The following POU6F2 variants were observed in gnomAD, a reference collection of about 807,000 sequenced individuals.
The protein encoded by POU6F2 is POU domain, class 6, transcription factor 2.
POU6F2 carries 31 observed loss-of-function variants against 71.3 expected under a neutral mutation model. That is an observed-to-expected ratio of 0.43 (90% CI 0.33 to 0.59). The LOEUF (loss-of-function observed/expected upper bound fraction) is 0.59. Ranked by LOEUF, POU6F2 falls within the 20% of genes least tolerant of loss-of-function variation. The probability of loss-of-function intolerance (pLI) is 0.04; values close to 1 mark genes in which losing one functional copy is unlikely to be tolerated. For synonymous variants in POU6F2, 347 were observed against 355.7 expected (o/e 0.98, Z 0.27); for missense variants, 783 against 856.8 (o/e 0.91, Z 1.07).
In POU6F2 at chr7:39,092,616, C is replaced by T. The variant is rs1791380180; in HGVS notation, c.277+6585C>T. Among the ~76,000 whole-genome samples the T allele has an allele frequency of 2.0e-5, 3 of 152,112 alleles. 1 individual carries two copies. The South Asian group carries it at 6.2e-4, about 32-fold the overall frequency. ...ATTTATTCATAAAGGAGTATCTGTG[C>T]TTTGACAATATGGGGGCTTCTGATG... is the stretch of plus-strand genomic sequence containing the variant. On this transcript the variant is annotated intron_variant, in intron 2 of 9. Coordinates refer to ENST00000518318, the MANE Select transcript of POU6F2 (RefSeq NM_001370959.1).
At chr7:39,412,778 C>CTTTTTTTTTTTTTTTTTTTT (rs1166811956) in intron 6 of POU6F2, among the ~76,000 whole-genome samples, 1 of 23,168 alleles carries the variant, frequency 4.3e-5, no homozygotes, top group Non-Finnish European at 1.1e-4. Context: ...GTTTTCTTGC[C>CTTTTTTTTTTTTTTTTTTTT]TTTTTTTTTT....
At chr7:39,310,175 T>A (rs543939772) in intron 4 of POU6F2, among the ~76,000 whole-genome samples, 1 of 152,194 alleles carries the variant, frequency 6.6e-6, no homozygotes, top group Non-Finnish European at 1.5e-5. Flanking sequence ...TGCTTTACAA[T>A]GAGCGGAAAA....
chr7:39,411,532 AG>A (rs200390146), intron 6 of POU6F2, among the ~76,000 whole-genome samples: 85 of 151,950 alleles, frequency 5.6e-4, no homozygotes, highest in East Asian at 4.3e-3. Context: ...AAGCCAGTCA[AG>A]GGGGGGGAAG....
chr7:39,194,833 C>G (rs1007352182), intron 2 of POU6F2, among the ~76,000 whole-genome samples: 1 of 152,116 alleles, frequency 6.6e-6, no homozygotes, highest in Admixed American at 6.5e-5. Flanking sequence ...CGAACCCCCC[C>G]GGGGAGGAAG....
At chr7:39,197,339 C>CAAT (rs1264885014) in intron 2 of POU6F2, among the ~76,000 whole-genome samples, 1 of 152,260 alleles carries the variant, frequency 6.6e-6, no homozygotes, top group African/African-American at 2.4e-5. Context: ...CGGAAGGTTA[C>CAAT]AATCCCTTGG....
chr7:39,043,293 C>T (rs562848547), intron 1 of POU6F2, among the ~76,000 whole-genome samples: 1 of 152,020 alleles, frequency 6.6e-6, no homozygotes, highest in East Asian at 1.9e-4. Flanking sequence ...TTAGAAATTT[C>T]ACCATCTGAC....
chr7:39,301,813 A>G (rs1784953040), intron 4 of POU6F2, among the ~76,000 whole-genome samples: 1 of 152,228 alleles, frequency 6.6e-6, no homozygotes, highest in Non-Finnish European at 1.5e-5. Context: ...TGTGGATTTT[A>G]TGGAGCCACC....
chr7:39,151,320 A>G (rs1255896650), intron 2 of POU6F2, among the ~76,000 whole-genome samples: 1 of 152,172 alleles, frequency 6.6e-6, no homozygotes, highest in Non-Finnish European at 1.5e-5. Flanking sequence ...TACATTTCCA[A>G]TGCCTGTCCT....
chr7:39,217,134 G>A (rs1794260501), intron 4 of POU6F2, among the ~76,000 whole-genome samples: 1 of 151,988 alleles, frequency 6.6e-6, no homozygotes, highest in Non-Finnish European at 1.5e-5. Flanking sequence ...TCGGTTTATG[G>A]GTCTGCTGTC....
chr7:39,160,246 A>C (rs1240582546), intron 2 of POU6F2, among the ~76,000 whole-genome samples: 1 of 152,214 alleles, frequency 6.6e-6, no homozygotes, highest in Non-Finnish European at 1.5e-5. Context: ...TGGAGCATCC[A>C]GTAGAGGAAG....
At chr7:39,434,137 G>T (rs992856212) in intron 7 of POU6F2, among the ~76,000 whole-genome samples, 2 of 152,126 alleles carry the variant, frequency 1.3e-5, no homozygotes, top group African/African-American at 4.8e-5. Flanking sequence ...CTTGGGAATG[G>T]AGTCCGGACA....
At chr7:39,138,243 G>A (rs1792425491) in intron 2 of POU6F2, among the ~76,000 whole-genome samples, 1 of 152,128 alleles carries the variant, frequency 6.6e-6, no homozygotes, top group Non-Finnish European at 1.5e-5. Context: ...CAAATTTGTA[G>A]GCGAAGTGCC....
chr7:39,327,204 A>G (rs545549705), intron 4 of POU6F2, among the ~76,000 whole-genome samples: 8 of 151,454 alleles, frequency 5.3e-5, no homozygotes, highest in Admixed American at 2.0e-4. Flanking sequence ...GCGTGAACCC[A>G]GGAGGTGGAG....
chr7:39,130,631 T>C (rs1312986004), intron 2 of POU6F2, among the ~76,000 whole-genome samples: 1 of 151,910 alleles, frequency 6.6e-6, no homozygotes, highest in African/African-American at 2.4e-5. Context: ...GAAAACTCAC[T>C]GAATCATAAT....
chr7:39,336,745 C>T (rs1785787031), intron 4 of POU6F2, among the ~76,000 whole-genome samples: 2 of 152,174 alleles, frequency 1.3e-5, no homozygotes, highest in Non-Finnish European at 2.9e-5. Flanking sequence ...ACCAGTTTGC[C>T]AGCCATGCCC....
At chr7:39,283,439 C>G (rs2128760301) in intron 4 of POU6F2, among the ~76,000 whole-genome samples, 1 of 152,286 alleles carries the variant, frequency 6.6e-6, no homozygotes, top group East Asian at 1.9e-4. Context: ...CCCTCCACTC[C>G]CAAGCCCTTG....
At chr7:39,208,150 A>G (rs1312116001) in intron 4 of POU6F2, among the ~76,000 whole-genome samples, 1 of 152,248 alleles carries the variant, frequency 6.6e-6, no homozygotes, top group Non-Finnish European at 1.5e-5. Context: ...TGCAATGAGA[A>G]AAATAGACTT....
intron 4 of POU6F2, among the ~76,000 whole-genome samples, chr7:39,335,211 A>G (rs2115587376): frequency 6.6e-6 from 1 of 152,200 alleles, no homozygotes; most frequent in Non-Finnish European, 1.5e-5. Flanking sequence ...CCTTCCTGCA[A>G]CCACTCTGTT....
intron 4 of POU6F2, among the ~76,000 whole-genome samples, chr7:39,327,959 C>T (rs1469536659): frequency 6.6e-6 from 1 of 151,846 alleles, no homozygotes; most frequent in African/African-American, 2.4e-5. Context: ...CTTGCTCTGT[C>T]GCCCAGGCTG....
Sources: gnomAD v4.1 joint callset for allele counts (sites outside exome capture counted in the v4.1 genomes callset) on GRCh38, gnomAD v4.1.1 for gene constraint, MANE v1.5 for transcripts, NCBI Gene and HGNC (gene_info 2026-07-23, HGNC 2026-07-21) for gene names.